The following RPRD1B variants were observed in gnomAD, a reference collection of about 807,000 sequenced individuals.
RPRD1B encodes regulation of nuclear pre-mRNA domain containing 1B.
RPRD1B carries 11 observed loss-of-function variants against 41.5 expected under a neutral mutation model. The ratio of observed to expected loss-of-function variants is 0.27; its 90% CI spans 0.17 to 0.44. RPRD1B has a LOEUF of 0.44. RPRD1B is among the 20% of genes least tolerant of loss of function. The pLI, the probability that RPRD1B is intolerant of heterozygous loss-of-function variation, is 1.00. For synonymous variants in RPRD1B, 158 were observed against 155.6 expected, an observed-to-expected ratio of 1.02 and a Z score of -0.12; for missense variants, 248 against 389.9, an observed-to-expected ratio of 0.64 and a Z score of 3.06.
At position 38,074,022 on chromosome 20, in the gene RPRD1B, A is replaced by G. The variant is rs142595134; in HGVS notation, c.831+7766A>G. The stretch of plus-strand genomic sequence containing the variant: ...CACCCAGGTTGTTAGAATAGTTGTT[A>G]AAACAGGTCATTCTGTTGCCAAGTA... On this transcript the variant is annotated intron_variant, in intron 6 of 6. Coordinates refer to ENST00000373433, the MANE Select transcript of RPRD1B (RefSeq NM_021215.4). Among the ~76,000 whole-genome samples the G allele has an allele frequency of 8.3e-3, 1,267 of 152,302 alleles. 10 individuals are homozygous for G. The highest frequency in any genetic ancestry group is 0.025 in the African/African-American group (1,038 of 41,554).
At chr20:38,064,853 G>GC (rs1174635560) in intron 5 of RPRD1B, among the ~76,000 whole-genome samples, 1 of 152,040 alleles carries the variant, frequency 6.6e-6, no homozygotes, top group Non-Finnish European at 1.5e-5. Context: ...GGGCGTGGTG[G>GC]CGGGGGCCTG....
At chr20:38,043,144 A>C (rs1200531427) in intron 2 of RPRD1B, among the ~76,000 whole-genome samples, 3 of 152,252 alleles carry the variant, frequency 2.0e-5, no homozygotes, top group African/African-American at 7.2e-5. Flanking sequence ...CAATATGGAC[A>C]TAGTAAAATG....
In RPRD1B at chr20:38,033,967, C is replaced by T. The variant is rs148316804; in HGVS notation, c.20C>T (p.Ser7Leu). ...GCCACCATGTCCTCCTTCTCTGAGT[C>T]GGCGCTGGAGAAGAAGCTCTCGGAG... MSSFSE[S>L]ALEKKLSELS... Residue 7 changes from serine to leucine, a missense_variant, in exon 1 of 7, where the codon TCG becomes TTG. Around this residue, in one of 5 missense-constraint regions of RPRD1B, gnomAD observed 14 missense variants for 19.9 expected, o/e 0.70. Coordinates refer to ENST00000373433, the MANE Select transcript of RPRD1B (RefSeq NM_021215.4). 6.4e-4 allele frequency: 1,036 copies of T among 1,612,268 alleles called. No individual in the cohort carries two copies. The highest frequency in any genetic ancestry group is 8.0e-4 in the Non-Finnish European group (949 of 1,178,938).
chr20:38,082,608 C>T (rs1000886959), intron 6 of RPRD1B, among the ~76,000 whole-genome samples: 3 of 152,128 alleles, frequency 2.0e-5, no homozygotes, highest in African/African-American at 7.2e-5. Context: ...AGGATGGTCT[C>T]GGTCTCCTGA....
chr20:38,060,123 T>C (rs773179663), intron 5 of RPRD1B, among the ~76,000 whole-genome samples: 3 of 152,218 alleles, frequency 2.0e-5, no homozygotes, highest in Non-Finnish European at 4.4e-5. Context: ...CTTCTGTTCT[T>C]TGTGATAGTC....
intron 6 of RPRD1B, chr20:38,070,114 T>C (rs1600426011): frequency 1.3e-6 from 1 of 770,182 alleles, no homozygotes; most frequent in East Asian, 1.3e-4. Flanking sequence ...TTTAGAAGTT[T>C]CTGTAGGTTT....
intron 5 of RPRD1B, among the ~76,000 whole-genome samples, chr20:38,065,340 C>T (rs1243523736): frequency 6.6e-6 from 1 of 152,030 alleles, no homozygotes; most frequent in African/African-American, 2.4e-5. Flanking sequence ...TAAATAAGTG[C>T]ATGCTATTTT....
intron 6 of RPRD1B, among the ~76,000 whole-genome samples, chr20:38,073,662 C>CT: frequency 6.6e-6 from 1 of 152,288 alleles, no homozygotes; most frequent in South Asian, 2.1e-4. Flanking sequence ...TAGAGAGCTC[C>CT]TTTTTTGTCA....
chr20:38,081,155 G>A (rs1237970494), intron 6 of RPRD1B, among the ~76,000 whole-genome samples: 1 of 152,196 alleles, frequency 6.6e-6, no homozygotes, highest in African/African-American at 2.4e-5. Context: ...ATTGCTTTGG[G>A]TAGTATGGCC....
chr20:38,040,363 C>A, intron 1 of RPRD1B, 72 bp from the exon 2 acceptor site: 1 of 1,333,550 alleles, frequency 7.5e-7, no homozygotes, highest in South Asian at 1.5e-5. Flanking sequence ...TTAGGAGCAG[C>A]CCAGGGCAAA....
At chr20:38,084,176 CT>C (rs2074539960) in intron 6 of RPRD1B, among the ~76,000 whole-genome samples, 1 of 152,100 alleles carries the variant, frequency 6.6e-6, no homozygotes, top group South Asian at 2.1e-4. Flanking sequence ...TGTGGGTCAG[CT>C]TCCCCTTTGG....
chr20:38,055,841 C>T (rs557476820), intron 3 of RPRD1B, among the ~76,000 whole-genome samples: 4 of 152,266 alleles, frequency 2.6e-5, no homozygotes, highest in South Asian at 2.1e-4. Flanking sequence ...TGATTGACTT[C>T]AAGAATGATG....
intron 1 of RPRD1B, among the ~76,000 whole-genome samples, chr20:38,038,561 A>G (rs1200776333): frequency 1.4e-4 from 17 of 123,506 alleles, no homozygotes; most frequent in African/African-American, 5.3e-4. Context: ...CAGTGGTGTG[A>G]TCTCGGCTCA....
intron 1 of RPRD1B, among the ~76,000 whole-genome samples, chr20:38,038,500 T>TG (rs1204751482): frequency 1.0e-5 from 1 of 97,788 alleles, no homozygotes; most frequent in African/African-American, 4.7e-5. Context: ...GTTTTTTTTT[T>TG]TTTTTTTTTT....
chr20:38,040,734 A>C (rs1600677780), intron 2 of RPRD1B, among the ~76,000 whole-genome samples, 170 bp downstream of exon 2: 1 of 152,192 alleles, frequency 6.6e-6, no homozygotes, highest in African/African-American at 2.4e-5. Flanking sequence ...AACTATCGAG[A>C]CATGTAAACA....
At chr20:38,040,968 T>A (rs2074060390) in intron 2 of RPRD1B, among the ~76,000 whole-genome samples, 1 of 152,200 alleles carries the variant, frequency 6.6e-6, no homozygotes, top group Admixed American at 6.5e-5. Context: ...TATTTCCTTC[T>A]GGATTTCTAG....
chr20:38,077,049 T>G (rs1400983346), intron 6 of RPRD1B, among the ~76,000 whole-genome samples: 2 of 150,846 alleles, frequency 1.3e-5, no homozygotes, highest in African/African-American at 4.9e-5. Flanking sequence ...TCCTGAGTAG[T>G]TGGGATTACA....
intron 1 of RPRD1B, among the ~76,000 whole-genome samples, chr20:38,039,256 G>A (rs564548131): frequency 1.3e-5 from 2 of 152,132 alleles, no homozygotes; most frequent in Admixed American, 6.6e-5. Context: ...GATTTCACAC[G>A]TGTGTAAATT....
intron 6 of RPRD1B, among the ~76,000 whole-genome samples, chr20:38,066,956 T>G (rs1295168789): frequency 6.6e-6 from 1 of 152,118 alleles, no homozygotes; most frequent in Non-Finnish European, 1.5e-5. Context: ...CGCCCAGCCG[T>G]TTGGAGGTTT....
Sources: allele counts gnomAD v4.1 joint callset (sites outside exome capture counted in the v4.1 genomes callset), GRCh38; gene constraint gnomAD v4.1.1; regional missense constraint gnomAD v4.1.1; transcripts MANE v1.5; gene names NCBI Gene and HGNC (gene_info 2026-07-23, HGNC 2026-07-21).